Variants in LRRC4C observed in about 807,000 individuals in gnomAD.
LRRC4C encodes leucine-rich repeat-containing protein 4C.
LRRC4C carries 5 observed loss-of-function variants against 33.6 expected under a neutral mutation model. That is an observed-to-expected ratio of 0.15 (90% CI 0.08 to 0.31). The LOEUF (loss-of-function observed/expected upper bound fraction) is 0.31, where lower values mean the gene tolerates loss of function less well. Ranked by LOEUF, LRRC4C falls within the 10% of genes least tolerant of loss-of-function variation. LRRC4C has a pLI of 1.00. For synonymous variants in LRRC4C, 329 were observed against 302.0 expected (o/e 1.09, Z -0.93); for missense variants, 560 against 796.7 (o/e 0.70, Z 3.58).
chr11:41,157,520 C>T (rs1944287447), intron 1 of LRRC4C, among the ~76,000 whole-genome samples: 1 of 152,118 alleles, frequency 6.6e-6, no homozygotes, highest in Non-Finnish European at 1.5e-5. Flanking sequence ...GCAGGATATA[C>T]TGTCTTAAAT....
chr11:40,901,201 C>T (rs1956180728), intron 2 of LRRC4C, among the ~76,000 whole-genome samples: 1 of 152,056 alleles, frequency 6.6e-6, no homozygotes, highest in African/African-American at 2.4e-5. Flanking sequence ...GCCACAAATA[C>T]ACAAATGCAC....
chr11:40,750,661 G>T (rs1285651078), intron 2 of LRRC4C, among the ~76,000 whole-genome samples: 1 of 112,996 alleles, frequency 8.8e-6, no homozygotes, highest in Non-Finnish European at 1.7e-5. Context: ...TGTGGGGTGG[G>T]GGGAGGGGGG....
At chr11:40,170,766 A>G (rs888222147) in intron 5 of LRRC4C, among the ~76,000 whole-genome samples, 5 of 152,178 alleles carry the variant, frequency 3.3e-5, no homozygotes, top group Non-Finnish European at 2.9e-5. Flanking sequence ...GCCTTTAGAA[A>G]TCTCAGGCTT....
At chr11:41,117,665 G>T (rs1290506918) in intron 1 of LRRC4C, among the ~76,000 whole-genome samples, 1 of 152,058 alleles carries the variant, frequency 6.6e-6, no homozygotes, top group Non-Finnish European at 1.5e-5. Flanking sequence ...CAGGTTGTAG[G>T]ATATCGTGTT....
chr11:41,327,965 G>A (rs1393089588), intron 1 of LRRC4C, among the ~76,000 whole-genome samples: 1 of 152,100 alleles, frequency 6.6e-6, no homozygotes, highest in Admixed American at 6.5e-5. Flanking sequence ...ATAACAGTAT[G>A]AAAATGGACT....
intron 2 of LRRC4C, among the ~76,000 whole-genome samples, chr11:40,687,576 C>T (rs1041189505): frequency 2.6e-5 from 4 of 152,066 alleles, no homozygotes; most frequent in African/African-American, 9.7e-5. Context: ...ATGAGATACA[C>T]ACTAATTTTA....
rs556420408 is a variant in LRRC4C at position 41,134,421 on chromosome 11, C to A, written c.-495-200698G>T. Among the ~76,000 whole-genome samples, 3 of 152,172 alleles carry A rather than the reference C, an allele frequency of 2.0e-5. No individual in the cohort carries two copies. The East Asian group carries it at 5.8e-4, about 29-fold the overall frequency. On this transcript the variant is annotated intron_variant, in intron 1 of 6. Transcript: ENST00000528697. The stretch of plus-strand genomic sequence containing the variant: ...TACAGGCATGTGCCACTATGCCTGG[C>A]AGAATAAACTTCTTTAAAATATAAC...
chr11:40,876,588 T>C (rs941285346), intron 2 of LRRC4C, among the ~76,000 whole-genome samples: 21 of 152,058 alleles, frequency 1.4e-4, no homozygotes, highest in Non-Finnish European at 2.6e-4. Flanking sequence ...TGAAATGTGC[T>C]GCCGGTGGTG....
chr11:40,584,446 A>G (rs1958618480), intron 3 of LRRC4C, among the ~76,000 whole-genome samples: 1 of 151,968 alleles, frequency 6.6e-6, no homozygotes, highest in Non-Finnish European at 1.5e-5. Context: ...CACAGATAAT[A>G]ACCCTCCAAC....
chr11:40,314,138 A>G (rs1019343203), intron 4 of LRRC4C, among the ~76,000 whole-genome samples: 9 of 152,126 alleles, frequency 5.9e-5, no homozygotes, highest in African/African-American at 2.2e-4. Flanking sequence ...ATATAAAAAG[A>G]GCTCAAACAT....
At chr11:41,061,597 T>A (rs558995071) in intron 1 of LRRC4C, among the ~76,000 whole-genome samples, 7 of 152,190 alleles carry the variant, frequency 4.6e-5, no homozygotes, top group Non-Finnish European at 1.0e-4. Flanking sequence ...AAATCAAGTT[T>A]CTTAAATCTT....
intron 3 of LRRC4C, among the ~76,000 whole-genome samples, chr11:40,391,266 G>A (rs1449992173): frequency 2.0e-5 from 3 of 152,074 alleles, no homozygotes; most frequent in Admixed American, 2.0e-4. Flanking sequence ...TCAGTACGTA[G>A]TTGTTGAGAA....
intron 3 of LRRC4C, among the ~76,000 whole-genome samples, chr11:40,505,296 G>A (rs1954978817): frequency 6.6e-6 from 1 of 152,116 alleles, no homozygotes; most frequent in African/African-American, 2.4e-5. Flanking sequence ...AACAACTGTT[G>A]ACACCTTACT....
At chr11:40,735,436 T>A (rs1947811432) in intron 2 of LRRC4C, among the ~76,000 whole-genome samples, 1 of 146,450 alleles carries the variant, frequency 6.8e-6, no homozygotes. Flanking sequence ...CTTCCGATAG[T>A]TTGCTGAGAA....
chr11:40,457,079 CT>C (rs1952166487), intron 3 of LRRC4C, among the ~76,000 whole-genome samples: 1 of 143,176 alleles, frequency 7.0e-6, no homozygotes, highest in African/African-American at 2.6e-5. Flanking sequence ...AGAATTTTAG[CT>C]TTCCTGTGTA....
chr11:41,161,928 G>A (rs1261162195), intron 1 of LRRC4C, among the ~76,000 whole-genome samples: 1 of 152,034 alleles, frequency 6.6e-6, no homozygotes, highest in Non-Finnish European at 1.5e-5. Flanking sequence ...AAAAATATAT[G>A]TAAGTAAACC....
At chr11:41,061,608 T>C (rs1937772309) in intron 1 of LRRC4C, among the ~76,000 whole-genome samples, 1 of 152,210 alleles carries the variant, frequency 6.6e-6, no homozygotes, top group Admixed American at 6.5e-5. Flanking sequence ...CTTAAATCTT[T>C]CTAAATCAAG....
intron 3 of LRRC4C, among the ~76,000 whole-genome samples, chr11:40,416,747 T>G (rs2137694420): frequency 6.6e-6 from 1 of 152,312 alleles, no homozygotes; most frequent in Middle Eastern, 3.4e-3. Context: ...AATTAAGAAA[T>G]TCACTCAAGG....
chr11:40,460,991 C>T (rs1590811388), intron 3 of LRRC4C, among the ~76,000 whole-genome samples: 1 of 152,124 alleles, frequency 6.6e-6, no homozygotes, highest in East Asian at 1.9e-4. Context: ...AAATCTCAGC[C>T]AAATATACCT....
Sources: allele counts gnomAD v4.1 joint callset (sites outside exome capture counted in the v4.1 genomes callset), GRCh38; gene constraint gnomAD v4.1.1; transcripts MANE v1.5; gene names NCBI Gene and HGNC (gene_info 2026-07-23, HGNC 2026-07-21).